FBXL17: variants seen among roughly 807,000 people sequenced by gnomAD.
The protein encoded by FBXL17 is F-box/LRR-repeat protein 17.
In FBXL17, 22 loss-of-function variants were observed where a neutral mutation model predicts 66.2. That is an observed-to-expected ratio of 0.33 (90% confidence interval 0.24 to 0.47). The LOEUF is 0.47. Among genes scored for constraint, FBXL17 ranks in the 20% least tolerant of loss-of-function variants. The pLI, the probability that FBXL17 is intolerant of heterozygous loss-of-function variation, is 1.00. For synonymous variants in FBXL17, 474 were observed against 400.5 expected, an observed-to-expected ratio of 1.18 and a Z score of -2.19; for missense variants, 878 against 948.2, an observed-to-expected ratio of 0.93 and a Z score of 0.97.
At chr5:108,250,612 A>T (rs1756306966) in intron 4 of FBXL17, among the ~76,000 whole-genome samples, 1 of 152,010 alleles carries the variant, frequency 6.6e-6, no homozygotes. Context: ...ATTCTGACAA[A>T]CTCTAGTGGC....
intron 4 of FBXL17, among the ~76,000 whole-genome samples, chr5:108,251,722 C>T (rs1232854458): frequency 6.6e-6 from 1 of 152,042 alleles, no homozygotes; most frequent in African/African-American, 2.4e-5. Flanking sequence ...CACATTTCTC[C>T]ACATTATATA....
At chr5:107,877,381 G>T (rs1391268725) in intron 8 of FBXL17, among the ~76,000 whole-genome samples, 1 of 152,132 alleles carries the variant, frequency 6.6e-6, no homozygotes, top group Non-Finnish European at 1.5e-5. Flanking sequence ...TTTGTTCTCT[G>T]CTAACCTAAC....
intron 7 of FBXL17, among the ~76,000 whole-genome samples, chr5:107,985,756 A>G (rs1752990043): frequency 6.6e-6 from 1 of 152,216 alleles, no homozygotes; most frequent in South Asian, 2.1e-4. Flanking sequence ...CAATAACACC[A>G]TGCAAGAGGC....
intron 7 of FBXL17, among the ~76,000 whole-genome samples, chr5:108,015,840 G>A (rs892212801): frequency 6.6e-6 from 1 of 152,136 alleles, no homozygotes; most frequent in African/African-American, 2.4e-5. Context: ...CAACAAGGCT[G>A]GGGTGAGGTG....
At chr5:108,013,870 A>G (rs1422031813) in intron 7 of FBXL17, among the ~76,000 whole-genome samples, 1 of 152,038 alleles carries the variant, frequency 6.6e-6, no homozygotes, top group Non-Finnish European at 1.5e-5. Flanking sequence ...ACCACTCAAG[A>G]TATCTATTTT....
At chr5:108,301,938 T>C (rs1050807741) in intron 4 of FBXL17, 13 of 670,756 alleles carry the variant, frequency 1.9e-5, no homozygotes, top group African/African-American at 1.6e-4. Context: ...GATATATGTA[T>C]TGATAAGCTA....
intron 7 of FBXL17, among the ~76,000 whole-genome samples, chr5:107,959,412 AC>A (rs1751806212): frequency 6.6e-6 from 1 of 151,090 alleles, no homozygotes; most frequent in Non-Finnish European, 1.5e-5. Flanking sequence ...ACACACACAC[AC>A]ACACAGGCAA....
At chr5:108,252,803 C>A (rs979906574) in intron 4 of FBXL17, among the ~76,000 whole-genome samples, 1 of 152,162 alleles carries the variant, frequency 6.6e-6, no homozygotes, top group Non-Finnish European at 1.5e-5. Context: ...CATTATTTCA[C>A]CCCAAAGCTG....
intron 7 of FBXL17, among the ~76,000 whole-genome samples, chr5:107,957,788 T>G (rs1200165367): frequency 6.6e-6 from 1 of 152,144 alleles, no homozygotes; most frequent in Admixed American, 6.5e-5. Flanking sequence ...ATTTAAAATA[T>G]AATTGTGGTA....
chr5:108,051,903 G>A (rs1747489898), intron 6 of FBXL17, among the ~76,000 whole-genome samples: 1 of 151,992 alleles, frequency 6.6e-6, no homozygotes, highest in Non-Finnish European at 1.5e-5. Flanking sequence ...GAGGTCAGGA[G>A]ATCTAGACCA....
At chr5:107,868,096 T>C (rs538871405) in intron 8 of FBXL17, among the ~76,000 whole-genome samples, 32 of 152,326 alleles carry the variant, frequency 2.1e-4, no homozygotes, top group African/African-American at 7.5e-4. Flanking sequence ...CATCTAAGCA[T>C]GAATACCCCT....
At chr5:108,265,026 GAATT>G (rs757604859) in intron 4 of FBXL17, among the ~76,000 whole-genome samples, 5 of 151,696 alleles carry the variant, frequency 3.3e-5, no homozygotes, top group African/African-American at 4.8e-5. Context: ...AAGATTATAT[GAATT>G]AATATTGTCA....
intron 4 of FBXL17, among the ~76,000 whole-genome samples, chr5:108,246,613 C>A (rs1436391966): frequency 1.3e-5 from 2 of 152,232 alleles, no homozygotes; most frequent in Admixed American, 1.3e-4. Context: ...CACAACCCAA[C>A]AGTCACATAC....
At chr5:108,126,497 C>T (rs1750701134) in intron 6 of FBXL17, among the ~76,000 whole-genome samples, 2 of 151,628 alleles carry the variant, frequency 1.3e-5, no homozygotes, top group South Asian at 4.2e-4. Flanking sequence ...ACATTCTAGA[C>T]AGCTAAGACC....
chr5:108,320,997 A>G (rs1225393795), intron 4 of FBXL17, among the ~76,000 whole-genome samples: 1 of 151,874 alleles, frequency 6.6e-6, no homozygotes, highest in East Asian at 1.9e-4. Flanking sequence ...TAGTACACCT[A>G]GGAGAGGTGC....
At chr5:107,885,520 C>G (rs1010142654) in intron 7 of FBXL17, among the ~76,000 whole-genome samples, 1 of 152,154 alleles carries the variant, frequency 6.6e-6, no homozygotes, top group African/African-American at 2.4e-5. Flanking sequence ...AATATCCATA[C>G]ATAGGAGAGT....
At position 108,313,391 on chromosome 5, in the gene FBXL17, T is replaced by G. The variant is rs145602042; in HGVS notation, c.1506+35008A>C. Reference sequence around the variant, plus strand: ...CAAGCTGTCTTCAAAAAGCAGACACTTAAGGCCATTTAATTTCATCTCTAC... The same window carrying G: ...CAAGCTGTCTTCAAAAAGCAGACACGTAAGGCCATTTAATTTCATCTCTAC... On this transcript the variant is annotated intron_variant, in intron 4 of 8. Coordinates refer to ENST00000542267, the MANE Select transcript of FBXL17 (RefSeq NM_001163315.3). Among the ~76,000 whole-genome samples, 11 of 152,186 alleles carry G rather than the reference T, an allele frequency of 7.2e-5. No individual in the cohort carries two copies. The South Asian group carries it at 2.1e-3, about 29-fold the overall frequency.
intron 6 of FBXL17, among the ~76,000 whole-genome samples, chr5:108,060,181 T>G (rs1203769499): frequency 3.3e-5 from 5 of 151,796 alleles, no homozygotes; most frequent in African/African-American, 4.8e-5. Context: ...TGTACATATA[T>G]ATATAGATAT....
At chr5:107,932,435 G>A (rs1218437714) in intron 7 of FBXL17, among the ~76,000 whole-genome samples, 8 of 152,228 alleles carry the variant, frequency 5.3e-5, no homozygotes, top group Non-Finnish European at 1.5e-5. Context: ...CTAGCAGCAG[G>A]TAGAATTACT....
Sources: gnomAD v4.1 joint callset for allele counts (sites outside exome capture counted in the v4.1 genomes callset) on GRCh38, gnomAD v4.1.1 for gene constraint, MANE v1.5 for transcripts, NCBI Gene and HGNC (gene_info 2026-07-23, HGNC 2026-07-21) for gene names.